Variants in SLC9D1 observed in about 807,000 individuals in gnomAD.
The protein encoded by SLC9D1 is solute carrier family 9 member D1.
At chr13:113,548,385 C>T in the SLC9D1 span, 1 of 1,613,550 alleles carries the variant, frequency 6.2e-7, no homozygotes, top group Non-Finnish European at 8.5e-7. Flanking sequence ...GCGGGGCTTG[C>T]CCAGGTCAGC....
chr13:113,529,707 T>C, the SLC9D1 span: 1 of 151,500 alleles, frequency 6.6e-6, no homozygotes, highest in African/African-American at 2.4e-5. Context: ...ACGTTCCTCC[T>C]GACGCTAACA....
At chr13:113,542,779 C>G in the SLC9D1 span, among the ~76,000 whole-genome samples, 1 of 152,110 alleles carries the variant, frequency 6.6e-6, no homozygotes, top group South Asian at 2.1e-4. Flanking sequence ...GCCACAGACT[C>G]AGCACAACCT....
chr13:113,494,336 C>T, the SLC9D1 span, among the ~76,000 whole-genome samples: 4 of 152,130 alleles, frequency 2.6e-5, no homozygotes, highest in East Asian at 1.9e-4. Flanking sequence ...CTTCCTTCCA[C>T]GGTCTCGGTT....
chr13:113,537,838 A>G, the SLC9D1 span, among the ~76,000 whole-genome samples: 1 of 152,218 alleles, frequency 6.6e-6, no homozygotes, highest in Admixed American at 6.5e-5. Context: ...TGCGTTGAAA[A>G]GACCTCCTTC....
the SLC9D1 span, among the ~76,000 whole-genome samples, chr13:113,497,828 A>C: frequency 6.6e-6 from 1 of 152,242 alleles, no homozygotes; most frequent in Non-Finnish European, 1.5e-5. Context: ...GATTAAATAT[A>C]ATTGTGTAAA....
chr13:113,498,407 G>A, the SLC9D1 span: 2 of 1,579,712 alleles, frequency 1.3e-6, no homozygotes, highest in South Asian at 1.2e-5. Flanking sequence ...TTAAAAATAT[G>A]CAACATCAAA....
chr13:113,527,713 C>G, the SLC9D1 span: 1 of 152,326 alleles, frequency 6.6e-6, no homozygotes, highest in African/African-American at 2.4e-5. Context: ...GTTTATGTCT[C>G]TTGGCTAACA....
chr13:113,529,825 G>A, the SLC9D1 span: 1 of 152,152 alleles, frequency 6.6e-6, no homozygotes, highest in African/African-American at 2.4e-5. Context: ...GGGTACAACA[G>A]TGTGAATCCA....
the SLC9D1 span, chr13:113,549,481 G>A: frequency 4.3e-6 from 7 of 1,614,038 alleles, no homozygotes; most frequent in Non-Finnish European, 5.9e-6. Flanking sequence ...CCCCGGTGCT[G>A]TGGAGAGCTG....
At chr13:113,498,456 G>A in the SLC9D1 span, 2 of 1,590,770 alleles carry the variant, frequency 1.3e-6, no homozygotes, top group Admixed American at 1.9e-5. Context: ...TCTTGAAGAT[G>A]TAAGAAAGGC....
At chr13:113,541,442 G>A in the SLC9D1 span, among the ~76,000 whole-genome samples, 4 of 144,664 alleles carry the variant, frequency 2.8e-5, no homozygotes, top group Non-Finnish European at 5.9e-5. Flanking sequence ...GCCGAGATAT[G>A]TGGATGATAC....
chr13:113,548,328 C>G, the SLC9D1 span: 16 of 1,613,930 alleles, frequency 9.9e-6, no homozygotes, highest in African/African-American at 1.9e-4. Context: ...CTGGTCCTGT[C>G]TCTCATTCTG....
the SLC9D1 span, among the ~76,000 whole-genome samples, chr13:113,514,898 T>G: frequency 1.3e-5 from 2 of 152,198 alleles, no homozygotes; most frequent in Non-Finnish European, 2.9e-5. Context: ...TTAGTCTTTT[T>G]GTAGAGATGG....
At chr13:113,539,410 G>C in the SLC9D1 span, 1 of 1,613,476 alleles carries the variant, frequency 6.2e-7, no homozygotes, top group Non-Finnish European at 8.5e-7. This position sits in a 1 kb window ranked among gnomAD's most constrained non-coding sequence, Gnocchi z 4.8. Flanking sequence ...TGGCTGGAGC[G>C]CTCGTCTCCT....
the SLC9D1 span, among the ~76,000 whole-genome samples, chr13:113,497,490 T>C: frequency 6.7e-6 from 1 of 150,242 alleles, no homozygotes; most frequent in African/African-American, 2.5e-5. Flanking sequence ...CCTACAGCTG[T>C]GTGAGACCTG....
chr13:113,545,145 C>T, the SLC9D1 span, among the ~76,000 whole-genome samples: 42 of 152,378 alleles, frequency 2.8e-4, 1 homozygote, highest in Admixed American at 2.4e-3. Flanking sequence ...CAGCCTCGCT[C>T]ACCTTCACGC....
At chr13:113,540,882 A>C in the SLC9D1 span, among the ~76,000 whole-genome samples, 1 of 152,022 alleles carries the variant, frequency 6.6e-6, no homozygotes, top group Non-Finnish European at 1.5e-5. Flanking sequence ...CCTTGACTTG[A>C]TTTTTGTATG....
the SLC9D1 span, among the ~76,000 whole-genome samples, chr13:113,517,064 AG>A: frequency 6.6e-6 from 1 of 152,256 alleles, no homozygotes; most frequent in Non-Finnish European, 1.5e-5. Context: ...TGGTTCACAA[AG>A]GAAGACGGGC....
chr13:113,545,391 A>G, the SLC9D1 span, among the ~76,000 whole-genome samples: 1 of 152,244 alleles, frequency 6.6e-6, no homozygotes, highest in Non-Finnish European at 1.5e-5. Context: ...ATAGTTTCTC[A>G]GTGCTACACC....
Sources: allele counts gnomAD v4.1 joint callset (sites outside exome capture counted in the v4.1 genomes callset), GRCh38; gene constraint gnomAD v4.1.1; non-coding constraint Gnocchi (gnomAD v3.1); transcripts MANE v1.5; gene names NCBI Gene and HGNC (gene_info 2026-07-23, HGNC 2026-07-21).